FANCI: variants seen among roughly 807,000 people sequenced by gnomAD.
FANCI encodes the protein Fanconi anemia group I protein.
In FANCI, 156 loss-of-function variants were observed where a neutral mutation model predicts 176.1. The ratio of observed to expected loss-of-function variants is 0.89; its 90% CI spans 0.78 to 1.01. The LOEUF (loss-of-function observed/expected upper bound fraction) is 1.01. FANCI is among the 50% of genes least tolerant of loss of function. The pLI is 0.00. For missense variants in FANCI, 1,678 were observed against 1,534.1 expected (o/e 1.09, Z -1.57); for synonymous variants, 613 against 541.7 (o/e 1.13, Z -1.83).
At chr15:89,274,944 G>A (rs1297537436) in intron 12 of FANCI, among the ~76,000 whole-genome samples, 1 of 151,516 alleles carries the variant, frequency 6.6e-6, no homozygotes, top group Non-Finnish European at 1.5e-5. Context: ...TCACTATGTT[G>A]CCCAGGCTGG....
chr15:89,273,396 C>A lies in FANCI; in HGVS notation c.902C>A (p.Ser301Tyr). The change falls in exon 11 of 38, where the codon TCC becomes TAC. Residue 301 changes from serine (S) to tyrosine (Y), a missense_variant. Physicochemically the swap from Ser to Tyr is moderately radical, Grantham distance 144. Coordinates refer to ENST00000310775, the MANE Select transcript of FANCI (RefSeq NM_001113378.2). Reference protein sequence around the residue: ...KHLKVGQQGDSNNNLSPFSIA... With the variant: ...KHLKVGQQGDYNNNLSPFSIA... ...TTCTAGGTAGGACAGCAAGGAGATT[C>A]CAATAATAACTTAAGTCCCTTCAGC... 1 of 1,601,880 alleles carries A rather than the reference C, an allele frequency of 6.2e-7. No individual in the cohort carries two copies. Among genetic ancestry groups the A allele is most frequent in the South Asian group, 1.1e-5 (1 of 90,396 alleles).
chr15:89,276,974 G>C lies in FANCI; in HGVS notation c.1293+83G>C. 3.5e-6 allele frequency: 5 copies of C among 1,439,234 alleles called. No individual in the cohort carries two copies. In the South Asian group the frequency reaches 5.7e-5, roughly 17 times the overall value. The allele number at this position is 1,439,234 out of a possible 1,614,324, so 89.2% of individuals were successfully genotyped here. A position where few individuals can be genotyped will look rare whatever the true frequency, so the allele number is the denominator to read the frequency against. On this transcript the variant is annotated intron_variant, in intron 13 of 37. Transcript: ENST00000310775. ...TTGGCATTTGCCTGGGAGTTTGGTG[G>C]ACAAGGAAATTTGAGTATGTATTAG...
At chr15:89,262,602 A>G (rs1051680365) in intron 6 of FANCI, among the ~76,000 whole-genome samples, 2 of 152,222 alleles carry the variant, frequency 1.3e-5, no homozygotes, top group Admixed American at 1.3e-4. Context: ...ACCCAAGATT[A>G]TCTAAACCAG....
At position 89,294,082 on chromosome 15, in the gene FANCI, A is replaced by G. The variant is rs1052388351; in HGVS notation, c.2456+85A>G. On this transcript the variant is annotated intron_variant, in intron 23 of 37. Coordinates refer to ENST00000310775, the MANE Select transcript of FANCI (RefSeq NM_001113378.2). Reference sequence around the variant, plus strand: ...GGCTCACTTGTTTCACCTCGTTTGGATTGTTTACAGTAAGAAATAAGTCAG... The same window carrying G: ...GGCTCACTTGTTTCACCTCGTTTGGGTTGTTTACAGTAAGAAATAAGTCAG... 16 of 1,454,952 alleles carry G rather than the reference A, an allele frequency of 1.1e-5. No homozygotes were observed. The African/African-American group carries it at 1.8e-4, about 16-fold the overall frequency. The allele number at this position is 1,454,952 out of a possible 1,614,324, so 90.1% of individuals were successfully genotyped here. A position where few individuals can be genotyped will look rare whatever the true frequency, so the allele number is the denominator to read the frequency against.
chr15:89,278,743 C>T lies in FANCI; in HGVS notation c.1350C>T (p.Thr450=). Residue 450 remains threonine (T), a synonymous_variant, in exon 14 of 38, where the codon ACC becomes ACT. Transcript: ENST00000310775. ...ILEQVLNRVV[T]RASSPISHFL... ...AGCAGGTCCTCAACAGGGTTGTTAC[C>T]AGAGCATCTTCTCCCATCAGTCATT... is the stretch of plus-strand genomic sequence containing the variant. 1 of 1,613,790 alleles carries T rather than the reference C, an allele frequency of 6.2e-7. No individual in the cohort carries two copies. Among genetic ancestry groups the T allele is most frequent in the Non-Finnish European group, 8.5e-7 (1 of 1,179,758 alleles).
In FANCI at chr15:89,303,908, C is replaced by T. The variant is rs768378979; in HGVS notation, c.3051C>T (p.Asn1017=). ...LSWTSKICKE[N]SREDALFCKS... is the part of the protein sequence containing the mutation. ...GGACATCAAAGATTTGCAAGGAAAACAGCCGGGGTAAGTTTACTGCCATGT... is the reference window on the plus strand; with the variant it reads ...GGACATCAAAGATTTGCAAGGAAAATAGCCGGGGTAAGTTTACTGCCATGT... The change falls in exon 28 of 38, where the codon AAC becomes AAT. Residue 1017 remains asparagine, a synonymous_variant. Transcript: ENST00000310775. 7.4e-5 allele frequency: 120 copies of T among 1,613,834 alleles called. 2 individuals are homozygous for T. The South Asian group carries it at 1.2e-3, about 16-fold the overall frequency.
intron 17 of FANCI, 47 bp downstream of exon 17, chr15:89,283,297 T>A (rs151060440): frequency 6.2e-7 from 1 of 1,612,328 alleles, no homozygotes; most frequent in Admixed American, 1.7e-5. Context: ...ATCATTCATG[T>A]GCATCGATGA....
intron 34 of FANCI, among the ~76,000 whole-genome samples, chr15:89,309,055 TG>T (rs1288084467): frequency 6.6e-6 from 1 of 152,212 alleles, no homozygotes; most frequent in Non-Finnish European, 1.5e-5. Flanking sequence ...ACCTTGCCTT[TG>T]TATCAGTTTT....
intron 24 of FANCI, among the ~76,000 whole-genome samples, chr15:89,296,914 G>T (rs1213771810): frequency 6.8e-6 from 1 of 147,688 alleles, no homozygotes; most frequent in Non-Finnish European, 1.5e-5. Context: ...TGGCCGGGCG[G>T]GGGGCTGACC....
At chr15:89,252,579 A>G (rs1422051030) in intron 2 of FANCI, among the ~76,000 whole-genome samples, 1 of 151,988 alleles carries the variant, frequency 6.6e-6, no homozygotes, top group Non-Finnish European at 1.5e-5. Context: ...AACTCTACTA[A>G]AAATAGAAAA....
Position 89,316,391 on chromosome 15 carries a change from T to G in FANCI, c.3925-6T>G. The G allele has an allele frequency of 1.2e-6, 2 of 1,610,800 alleles. No homozygotes were observed. Among genetic ancestry groups the G allele is most frequent in the Non-Finnish European group, 1.7e-6 (2 of 1,178,110 alleles). On this transcript the variant is annotated splice_region_variant and splice_polypyrimidine_tract_variant and intron_variant, in intron 37 of 37. Coordinates refer to ENST00000310775, the MANE Select transcript of FANCI (RefSeq NM_001113378.2). ...ACGTTAGAGCATTAATTCTTTCCCCTTCTAGGGCACTGCATCAGAGCATGG... is the reference window on the plus strand; with the variant it reads ...ACGTTAGAGCATTAATTCTTTCCCCGTCTAGGGCACTGCATCAGAGCATGG...
intron 24 of FANCI, 54 bp downstream of exon 24, chr15:89,295,148 A>G (rs1596307922): frequency 3.3e-6 from 5 of 1,520,058 alleles, no homozygotes; most frequent in East Asian, 4.9e-5. Flanking sequence ...GGTGTCTCCA[A>G]GAGAACAAAC....
At chr15:89,251,350 T>G (rs893839629) in intron 2 of FANCI, among the ~76,000 whole-genome samples, 1 of 152,170 alleles carries the variant, frequency 6.6e-6, no homozygotes, top group African/African-American at 2.4e-5. Context: ...CAGGCCCAGA[T>G]AGATTGGCAG....
At position 89,316,448 on chromosome 15, in the gene FANCI, A is replaced by T; in HGVS notation, c.3976A>T (p.Arg1326Trp). Residue 1326 changes from arginine (R) to tryptophan (W), a missense_variant, in exon 38 of 38, where the codon AGG (arginine) becomes TGG (tryptophan). By Grantham distance (101) the Arg-to-Trp change is moderately radical. Transcript: ENST00000310775. ...GQNKEPAKKKRKK is the reference protein window; with the variant it reads ...GQNKEPAKKKWKK Reference sequence around the variant, plus strand: ...GAACAAAGAACCAGCCAAGAAGAAAAGGAAAAAATAAATGAAATGCCTGAG... The same window carrying T: ...GAACAAAGAACCAGCCAAGAAGAAATGGAAAAAATAAATGAAATGCCTGAG... 1 of 1,610,834 alleles carries T rather than the reference A, an allele frequency of 6.2e-7. No individual in the cohort carries two copies. The highest frequency in any genetic ancestry group is 1.3e-5 in the African/African-American group (1 of 74,882).
In FANCI at chr15:89,278,548, T is replaced by G. The variant is rs1256728882; in HGVS notation, c.1294-139T>G. The stretch of plus-strand genomic sequence containing the variant: ...GGGGAAAGTTGAGTGATTCTGTCTT[T>G]CCAGATGATTCACATTATATTCTGA... On this transcript the variant is annotated intron_variant, in intron 13 of 37. Coordinates refer to ENST00000310775, the MANE Select transcript of FANCI (RefSeq NM_001113378.2). 5.8e-6 allele frequency: 4 copies of G among 684,558 alleles called. No homozygotes were observed. The Admixed American group carries it at 8.6e-5, about 15-fold the overall frequency. 42.4% of individuals were successfully genotyped at this position (684,558 alleles called of 1,614,324 possible).
At chr15:89,282,967 T>C in intron 16 of FANCI, 169 bp from the exon 17 acceptor site, 1 of 683,680 alleles carries the variant, frequency 1.5e-6, no homozygotes, top group Non-Finnish European at 2.6e-6. Context: ...TATAAATTGC[T>C]TTGAACAGCT....
chr15:89,302,182 T>G (rs778769236), intron 27 of FANCI, among the ~76,000 whole-genome samples: 3 of 152,178 alleles, frequency 2.0e-5, no homozygotes, highest in Non-Finnish European at 4.4e-5. Context: ...TATACTCCTC[T>G]TTATGTGAGC....
In FANCI at chr15:89,305,608, C is replaced by G; in HGVS notation, c.3259C>G (p.Leu1087Val). The G allele has an allele frequency of 6.2e-7, 1 of 1,614,160 alleles. No homozygotes were observed. Among genetic ancestry groups the G allele is most frequent in the Non-Finnish European group, 8.5e-7 (1 of 1,180,002 alleles). ...LRTAAPTVCL[L>V]VLSQAEKVLE... is the part of the protein sequence containing the mutation. The stretch of plus-strand genomic sequence containing the variant: ...ACCAGGCACTCTTTTCTTTCAGTTA[C>G]TTGTTCTGAGTCAGGCCGAGAAGGT... The change falls in exon 31 of 38, where the codon CTT (leucine) becomes GTT (valine). Residue 1087 changes from leucine (L) to valine (V), a missense_variant. Around this residue, in one of 3 missense-constraint regions of FANCI, gnomAD observed 1,204 missense variants for 1,077.4 expected, o/e 1.12. Transcript: ENST00000310775.
chr15:89,290,902 C>A (rs1395124144), intron 19 of FANCI, among the ~76,000 whole-genome samples: 1 of 152,144 alleles, frequency 6.6e-6, no homozygotes, highest in Non-Finnish European at 1.5e-5. Context: ...CCCATACTGT[C>A]CATCAAAAGC....
Sources: allele counts gnomAD v4.1 joint callset (sites outside exome capture counted in the v4.1 genomes callset), GRCh38; gene constraint gnomAD v4.1.1; regional missense constraint gnomAD v4.1.1; transcripts MANE v1.5; gene names NCBI Gene and HGNC (gene_info 2026-07-23, HGNC 2026-07-21).